Variants in MND1 observed in about 807,000 individuals in gnomAD.
MND1 encodes the protein meiotic nuclear divisions 1.
A neutral mutation model predicts 35.1 loss-of-function variants in MND1; 28 were observed. The observed-to-expected ratio is 0.80, with a 90% confidence interval of 0.59 to 1.09. The LOEUF (loss-of-function observed/expected upper bound fraction) is 1.09, where lower values mean the gene tolerates loss of function less well. Among genes scored for constraint, MND1 ranks in the 50% least tolerant of loss-of-function variants. The pLI, the probability that MND1 is intolerant of heterozygous loss-of-function variation, is 0.00. For missense variants in MND1, 213 were observed against 239.6 expected, an observed-to-expected ratio of 0.89 and a Z score of 0.73; for synonymous variants, 69 against 70.5, an observed-to-expected ratio of 0.98 and a Z score of 0.11.
intron 6 of MND1, 65 bp from the exon 7 acceptor site, chr4:153,408,906 T>TG (rs1729594173): frequency 1.2e-5 from 4 of 329,954 alleles, no homozygotes; most frequent in Admixed American, 7.6e-5. Context: ...AAAGATCATT[T>TG]TGTGTGTATA....
At chr4:153,349,715 T>C (rs964798963) in intron 1 of MND1, among the ~76,000 whole-genome samples, 1 of 152,198 alleles carries the variant, frequency 6.6e-6, no homozygotes, top group Non-Finnish European at 1.5e-5. Context: ...TATGTAACAA[T>C]TGGTGCATGT....
At chr4:153,392,562 T>C (rs1436517979) in intron 4 of MND1, among the ~76,000 whole-genome samples, 5 of 152,206 alleles carry the variant, frequency 3.3e-5, no homozygotes, top group Non-Finnish European at 7.3e-5. Context: ...CTAACTAGTT[T>C]ATAGCAAAAG....
intron 1 of MND1, among the ~76,000 whole-genome samples, chr4:153,349,261 A>G (rs1200187826): frequency 1.8e-4 from 27 of 152,170 alleles, no homozygotes; most frequent in Admixed American, 1.7e-3. Flanking sequence ...GCTAAAGGGT[A>G]TTACAGAAGA....
chr4:153,375,647 C>A (rs1728482891), intron 4 of MND1, among the ~76,000 whole-genome samples: 1 of 151,928 alleles, frequency 6.6e-6, no homozygotes, highest in African/African-American at 2.4e-5. Flanking sequence ...TACATGTACA[C>A]CAAGCAGAGG....
At chr4:153,408,747 T>C (rs1729589755) in intron 6 of MND1, among the ~76,000 whole-genome samples, 3 of 151,954 alleles carry the variant, frequency 2.0e-5, no homozygotes, top group Non-Finnish European at 4.4e-5. Context: ...TTACTAATAC[T>C]ACTGCAACTC....
Position 153,384,443 on chromosome 4 carries a change from A to ATTTTTTTTTT in MND1, c.277-9799_277-9790dup, listed in dbSNP as rs561004288. On this transcript the variant is annotated intron_variant, in intron 4 of 7. Coordinates refer to ENST00000240488, the MANE Select transcript of MND1 (RefSeq NM_032117.4). ...TGCCACCATGCCCAGCTAATGTTTAATTTTTTTTTTTTTTTTTTTTTTTTT... is the reference window on the plus strand; with the variant it reads ...TGCCACCATGCCCAGCTAATGTTTAATTTTTTTTTTTTTTTTTTTTTTTTTTTTTTTTTTT... Among the ~76,000 whole-genome samples the ATTTTTTTTTT allele has an allele frequency of 4.7e-3, 295 of 63,196 alleles. 33 individuals are homozygous for ATTTTTTTTTT. The highest frequency in any genetic ancestry group is 0.014 in the East Asian group (23 of 1,700). 41.5% of individuals were successfully genotyped at this position (63,196 alleles called of 152,430 possible).
At chr4:153,376,883 G>C (rs1728525612) in intron 4 of MND1, among the ~76,000 whole-genome samples, 1 of 152,100 alleles carries the variant, frequency 6.6e-6, no homozygotes, top group Admixed American at 6.6e-5. Context: ...TTTTTGGCAT[G>C]TGGTAGATTC....
At chr4:153,381,688 ATATATTTTTTTTTTT>A (rs1333648952) in intron 4 of MND1, 13 of 24,424 alleles carry the variant, frequency 5.3e-4, no homozygotes, top group African/African-American at 7.9e-4. Context: ...ATATATATAT[ATATATTTTTTTTTTT>A]TTTTTTTTTT....
chr4:153,405,112 CTT>C (rs1483764639), intron 6 of MND1, among the ~76,000 whole-genome samples: 1 of 151,986 alleles, frequency 6.6e-6, no homozygotes, highest in Admixed American at 6.6e-5. Flanking sequence ...ATTTCAGCTG[CTT>C]TTTTGCAGAA....
chr4:153,351,768 A>G (rs938754967), intron 2 of MND1, among the ~76,000 whole-genome samples: 8 of 152,352 alleles, frequency 5.3e-5, no homozygotes, highest in Middle Eastern at 6.8e-3. Flanking sequence ...TTGATTTTCT[A>G]TAGATGTCAA....
chr4:153,371,280 C>T (rs1434786331), intron 4 of MND1, among the ~76,000 whole-genome samples: 1 of 151,970 alleles, frequency 6.6e-6, no homozygotes, highest in Non-Finnish European at 1.5e-5. Flanking sequence ...CTAAAGTCAC[C>T]AGCTGCATTA....
chr4:153,405,330 GA>G (rs1729469952), intron 6 of MND1, among the ~76,000 whole-genome samples: 1 of 152,030 alleles, frequency 6.6e-6, no homozygotes, highest in South Asian at 2.1e-4. Flanking sequence ...ATGAGGTCAG[GA>G]GATCGAGACC....
At chr4:153,382,539 C>A (rs548539647) in intron 4 of MND1, among the ~76,000 whole-genome samples, 216 of 152,300 alleles carry the variant, frequency 1.4e-3, no homozygotes, top group Non-Finnish European at 2.1e-3. Flanking sequence ...GAGTATTATT[C>A]TCTTAAAAAG....
At position 153,409,084 on chromosome 4, in the gene MND1, A is replaced by G. The variant is rs781521045; in HGVS notation, c.511+69A>G. 7.7e-6 allele frequency: 7 copies of G among 906,500 alleles called. No individual in the cohort carries two copies. The Admixed American group carries it at 1.2e-4, about 16-fold the overall frequency. The allele number at this position is 906,500 out of a possible 1,614,324, so 56.2% of individuals were successfully genotyped here. On this transcript the variant is annotated intron_variant, in intron 7 of 7. Coordinates refer to ENST00000240488, the MANE Select transcript of MND1 (RefSeq NM_032117.4). ...TCACACTTACTGCGACGTGAAATTCAGATACCTTGTGCTAGCTTTGTTCAA... is the reference window on the plus strand; with the variant it reads ...TCACACTTACTGCGACGTGAAATTCGGATACCTTGTGCTAGCTTTGTTCAA...
At chr4:153,376,012 C>G (rs1041640043) in intron 4 of MND1, among the ~76,000 whole-genome samples, 4 of 152,102 alleles carry the variant, frequency 2.6e-5, no homozygotes, top group Admixed American at 2.6e-4. Flanking sequence ...ATGTTCTAAT[C>G]TGCTAGTTCT....
At chr4:153,352,377 G>GTA (rs765447920) in intron 2 of MND1, among the ~76,000 whole-genome samples, 3 of 152,118 alleles carry the variant, frequency 2.0e-5, no homozygotes, top group Non-Finnish European at 2.9e-5. Flanking sequence ...CATGAGAACA[G>GTA]TATAGCTCAA....
At chr4:153,366,864 A>G (rs956909264) in intron 4 of MND1, among the ~76,000 whole-genome samples, 1 of 152,228 alleles carries the variant, frequency 6.6e-6, no homozygotes, top group Non-Finnish European at 1.5e-5. Context: ...TTATAGATGA[A>G]GAAACTGAGA....
intron 4 of MND1, chr4:153,381,829 A>G (rs1728716565): frequency 6.8e-6 from 1 of 146,190 alleles, no homozygotes; most frequent in Non-Finnish European, 1.5e-5. Flanking sequence ...TCCGTTTCCT[A>G]CCAGGGCTGG....
chr4:153,400,548 A>G (rs1183907660), intron 6 of MND1, among the ~76,000 whole-genome samples: 2 of 152,150 alleles, frequency 1.3e-5, no homozygotes, highest in Non-Finnish European at 2.9e-5. Flanking sequence ...TTAGCTGGTC[A>G]TGCTGGCATG....
Sources: allele counts gnomAD v4.1 joint callset (sites outside exome capture counted in the v4.1 genomes callset), GRCh38; gene constraint gnomAD v4.1.1; transcripts MANE v1.5; gene names NCBI Gene and HGNC (gene_info 2026-07-23, HGNC 2026-07-21).